The following DMD variants were observed in gnomAD, a reference collection of about 807,000 sequenced individuals.
DMD encodes the protein mutant dystrophin.
In DMD, 63 loss-of-function variants were observed where a neutral mutation model predicts 330.1. The observed-to-expected ratio is 0.19, with a 90% CI of 0.16 to 0.24. The LOEUF is 0.24. DMD is among the 10% of genes least tolerant of loss of function. DMD has a pLI of 1.00. For missense variants in DMD, 3,344 were observed against 2,684.1 expected (o/e 1.25, Z -5.43); for synonymous variants, 1,223 against 959.8 (o/e 1.27, Z -5.07).
chrX:31,458,470 T>A, intron 59 of DMD, among the ~76,000 whole-genome samples: 1 of 100,819 alleles, frequency 9.9e-6, no homozygotes, highest in Admixed American at 1.1e-4. Context: ...CACAAATGAG[T>A]CTAAGTGTCA....
rs149907677 is a variant in DMD, at chrX:31,201,730, G to A, written c.9807+2231C>T. 7.1e-3 allele frequency among the ~76,000 whole-genome samples: 790 copies of A among 111,887 alleles called. 2 individuals carry two copies. The highest frequency in any genetic ancestry group is 0.024 in the African/African-American group (749 of 30,800). On this transcript the variant is annotated intron_variant, in intron 67 of 78. Transcript: ENST00000357033. ...GTGGCTTCCTGATGAGTCAGTACTC[G>A]GGCGAGAAAACAAAGAATCCAGCTG...
At chrX:31,608,974 T>C (rs1368084542) in intron 55 of DMD, among the ~76,000 whole-genome samples, 2 of 112,128 alleles carry the variant, frequency 1.8e-5, no homozygotes, top group African/African-American at 3.2e-5. Flanking sequence ...AGATGATATA[T>C]TGTGGAACAT....
chrX:31,159,564 C>T (rs2038561766), intron 74 of DMD, among the ~76,000 whole-genome samples: 1 of 111,705 alleles, frequency 9.0e-6, no homozygotes, highest in Non-Finnish European at 1.9e-5. Context: ...CAATCAAGTA[C>T]ATCAGGAGGT....
chrX:31,854,482 C>T (rs1429170269), intron 48 of DMD, among the ~76,000 whole-genome samples: 2 of 111,502 alleles, frequency 1.8e-5, no homozygotes, highest in African/African-American at 6.5e-5. Flanking sequence ...TAACATAAAT[C>T]ATCTTAATTA....
intron 30 of DMD, among the ~76,000 whole-genome samples, chrX:32,410,828 T>A (rs771414031): frequency 8.9e-6 from 1 of 112,574 alleles, no homozygotes; most frequent in East Asian, 2.8e-4. Flanking sequence ...AATTTAGTTA[T>A]GGCCTAAAAT....
At chrX:31,686,126 T>C (rs1488063952) in intron 52 of DMD, among the ~76,000 whole-genome samples, 1 of 111,834 alleles carries the variant, frequency 8.9e-6, no homozygotes, top group Non-Finnish European at 1.9e-5. Context: ...AAAAAATCCT[T>C]CTCTGGCAAA....
At chrX:31,482,148 C>T (rs752209244) in intron 57 of DMD, among the ~76,000 whole-genome samples, 18 of 108,406 alleles carry the variant, frequency 1.7e-4, no homozygotes, top group African/African-American at 5.8e-4. Context: ...AAATCTGCCT[C>T]TGATTCAGAA....
chrX:33,279,266 C>T (rs1380471105), intron 1 of DMD, among the ~76,000 whole-genome samples: 1 of 111,931 alleles, frequency 8.9e-6, no homozygotes, highest in Non-Finnish European at 1.9e-5. Flanking sequence ...CCAAGAGGAC[C>T]TCTCAAAACC....
chrX:32,400,895 G>A lies in DMD; in HGVS notation c.4234-10714C>T, dbSNP rs771297678. ...ACACATGCACACGTATGTTTATTGC[G>A]GCACTATTCACAATAGCAAAGACTT... is the stretch of plus-strand genomic sequence containing the variant. On this transcript the variant is annotated intron_variant, in intron 30 of 78. Coordinates refer to ENST00000357033, the MANE Select transcript of DMD (RefSeq NM_004006.3). Among the ~76,000 whole-genome samples, 7 of 109,476 alleles carry A rather than the reference G, an allele frequency of 6.4e-5. No homozygotes were observed. In the East Asian group the frequency reaches 1.2e-3, roughly 18 times the overall value.
At chrX:33,145,327 C>G (rs2047974653) in intron 1 of DMD, among the ~76,000 whole-genome samples, 1 of 111,974 alleles carries the variant, frequency 8.9e-6, no homozygotes, top group South Asian at 3.7e-4. Context: ...CATATCTCAG[C>G]TGACATGCCT....
chrX:32,622,062 T>C (rs1252732748), intron 11 of DMD, among the ~76,000 whole-genome samples: 1 of 111,361 alleles, frequency 9.0e-6, no homozygotes, highest in Non-Finnish European at 1.9e-5. Context: ...GACCAAGATA[T>C]TAACATTAAT....
At chrX:33,090,389 T>C (rs2095069411) in intron 1 of DMD, among the ~76,000 whole-genome samples, 1 of 108,175 alleles carries the variant, frequency 9.2e-6, no homozygotes, top group African/African-American at 3.3e-5. Context: ...GAATATTCTA[T>C]TCTATATTAT....
intron 55 of DMD, among the ~76,000 whole-genome samples, chrX:31,622,747 A>G (rs965537845): frequency 2.7e-4 from 29 of 107,326 alleles, no homozygotes; most frequent in Non-Finnish European, 2.9e-4. Flanking sequence ...AAAGAAAATC[A>G]TCTCTCTGAA....
chrX:31,407,647 ATT>A (rs67528413), intron 60 of DMD, among the ~76,000 whole-genome samples: 11 of 93,045 alleles, frequency 1.2e-4, no homozygotes, highest in South Asian at 5.2e-4. Flanking sequence ...AATTTTTTGT[ATT>A]TTTTTTTTTT....
chrX:32,692,172 A>T (rs1251742208), intron 9 of DMD, among the ~76,000 whole-genome samples: 1 of 112,429 alleles, frequency 8.9e-6, no homozygotes, highest in Non-Finnish European at 1.9e-5. Flanking sequence ...CACACAATAA[A>T]GTAAATTTCA....
At chrX:33,295,338 T>C (rs970710705) in intron 1 of DMD, among the ~76,000 whole-genome samples, 1 of 110,528 alleles carries the variant, frequency 9.0e-6, no homozygotes, top group Non-Finnish European at 1.9e-5. Context: ...GTTGATAGCT[T>C]GAAACTGGAT....
At chrX:31,812,715 C>T (rs746383820) in intron 50 of DMD, among the ~76,000 whole-genome samples, 145 of 111,793 alleles carry the variant, frequency 1.3e-3, no homozygotes, top group African/African-American at 4.6e-3. Flanking sequence ...ATACATGGTG[C>T]ACTGATTAAT....
intron 18 of DMD, among the ~76,000 whole-genome samples, chrX:32,510,799 A>G (rs2045215904): frequency 9.0e-6 from 1 of 111,427 alleles, no homozygotes; most frequent in Non-Finnish European, 1.9e-5. Flanking sequence ...TAGAAACTGC[A>G]TATTAGTTAG....
Position 31,547,309 on chromosome X carries a change from G to A in DMD, c.8218-39856C>T, listed in dbSNP as rs188433036. On this transcript the variant is annotated intron_variant, in intron 55 of 78. Transcript: ENST00000357033. ...GGTTATAATGAAATGCTAGCACCAC[G>A]CTAAGATTGGCATGGTGTATGAAAT... 6.7e-4 allele frequency among the ~76,000 whole-genome samples: 75 copies of A among 112,075 alleles called. No individual in the cohort carries two copies. The East Asian group carries it at 0.017, about 26-fold the overall frequency.
Sources: gnomAD v4.1 joint callset for allele counts (sites outside exome capture counted in the v4.1 genomes callset) on GRCh38, gnomAD v4.1.1 for gene constraint, MANE v1.5 for transcripts, NCBI Gene and HGNC (gene_info 2026-07-23, HGNC 2026-07-21) for gene names.